Variants in MARCHF1 observed in about 807,000 individuals in gnomAD.
MARCHF1 encodes the protein E3 ubiquitin-protein ligase MARCHF1.
In MARCHF1, 40 loss-of-function variants were observed where a neutral mutation model predicts 54.2. That is an observed-to-expected ratio of 0.74 (90% CI 0.57 to 0.96). The LOEUF is 0.96. MARCHF1 is among the 40% of genes least tolerant of loss of function. The pLI is 0.00. For missense variants in MARCHF1, 586 were observed against 656.5 expected (o/e 0.89, Z 1.17); for synonymous variants, 236 against 236.3 (o/e 1.00, Z 0.01).
At chr4:163,915,963 T>G (rs1367382300) in intron 3 of MARCHF1, among the ~76,000 whole-genome samples, 1 of 152,170 alleles carries the variant, frequency 6.6e-6, no homozygotes, top group African/African-American at 2.4e-5. Context: ...ATTTTAATTC[T>G]AGTACCAAAT....
chr4:163,787,234 C>A (rs1286376509), intron 4 of MARCHF1, among the ~76,000 whole-genome samples: 1 of 151,544 alleles, frequency 6.6e-6, no homozygotes. Flanking sequence ...AAATGGGACT[C>A]CATCAAACTT....
At chr4:163,707,370 G>A (rs754736856) in intron 4 of MARCHF1, among the ~76,000 whole-genome samples, 4 of 151,984 alleles carry the variant, frequency 2.6e-5, no homozygotes, top group Non-Finnish European at 4.4e-5. Context: ...AGAGGCAACA[G>A]TAAGGAATCA....
Position 163,944,133 on chromosome 4 carries a change from ATTTTTTTTT to A in MARCHF1, c.-39+44359_-39+44367del, listed in dbSNP as rs5863642. Among the ~76,000 whole-genome samples, 443 of 110,102 alleles carry A rather than the reference ATTTTTTTTT, an allele frequency of 4.0e-3. 5 individuals are homozygous for A. The highest frequency in any genetic ancestry group is 0.012 in the African/African-American group (341 of 29,254). The allele number at this position is 110,102 out of a possible 152,430, so 72.2% of individuals were successfully genotyped here. A position where few individuals can be genotyped will look rare whatever the true frequency, so the allele number is the denominator to read the frequency against. ...AGGCACCTGTCACTGCACCGGGCTA[ATTTTTTTTT>A]TTTTTTTTTTTTTGTATTTTTAGTA... is the stretch of plus-strand genomic sequence containing the variant. On this transcript the variant is annotated intron_variant, in intron 3 of 9. Transcript: ENST00000514618.
intron 5 of MARCHF1, among the ~76,000 whole-genome samples, chr4:163,644,791 G>A (rs2044302385): frequency 1.3e-5 from 2 of 152,176 alleles, no homozygotes; most frequent in Admixed American, 1.3e-4. Context: ...TGGTTCCAGT[G>A]TCCATCATTG....
intron 1 of MARCHF1, among the ~76,000 whole-genome samples, chr4:164,293,014 G>A (rs184803879): frequency 6.6e-6 from 1 of 152,132 alleles, no homozygotes; most frequent in Admixed American, 6.5e-5. Context: ...ACCCATGAAA[G>A]TCACGTTGGT....
At chr4:164,186,720 T>G (rs1482620119) in intron 1 of MARCHF1, among the ~76,000 whole-genome samples, 1 of 152,228 alleles carries the variant, frequency 6.6e-6, no homozygotes, top group Non-Finnish European at 1.5e-5. Flanking sequence ...CTCTAAGTTT[T>G]GAGCTAAAGA....
intron 1 of MARCHF1, among the ~76,000 whole-genome samples, chr4:164,209,885 G>A (rs1731716577): frequency 6.6e-6 from 1 of 152,008 alleles, no homozygotes; most frequent in Non-Finnish European, 1.5e-5. Context: ...TTAATGATGA[G>A]AAAAGGTCCA....
At chr4:164,309,253 C>CTTGT (rs1554000345) in intron 1 of MARCHF1, among the ~76,000 whole-genome samples, 19 of 116,484 alleles carry the variant, frequency 1.6e-4, no homozygotes, top group Non-Finnish European at 2.6e-4. Flanking sequence ...TAATTTCTAA[C>CTTGT]CTGTGTGTGT....
At chr4:163,981,965 A>G (rs1373700463) in intron 3 of MARCHF1, among the ~76,000 whole-genome samples, 1 of 152,202 alleles carries the variant, frequency 6.6e-6, no homozygotes, top group African/African-American at 2.4e-5. Flanking sequence ...TTTAAAAAAT[A>G]CGGACCAGGG....
chr4:164,072,946 C>T (rs778571702), intron 2 of MARCHF1, among the ~76,000 whole-genome samples: 8 of 152,144 alleles, frequency 5.3e-5, no homozygotes, highest in East Asian at 1.9e-4. Flanking sequence ...TGATATCAAG[C>T]GCAATACAAT....
chr4:164,004,531 C>T (rs1212242000), intron 2 of MARCHF1, among the ~76,000 whole-genome samples: 1 of 151,572 alleles, frequency 6.6e-6, no homozygotes, highest in Non-Finnish European at 1.5e-5. Flanking sequence ...CCAATGACTG[C>T]AGAATAGAAA....
At position 163,894,864 on chromosome 4, in the gene MARCHF1, C is replaced by CATATATATATATGCATGTGATGCAT. The variant is rs144971173; in HGVS notation, c.-38-40696_-38-40695insATGCATCACATGCATATATATATAT. Among the ~76,000 whole-genome samples the CATATATATATATGCATGTGATGCAT allele has an allele frequency of 3.5e-4, 6 of 16,978 alleles. 2 individuals are homozygous for CATATATATATATGCATGTGATGCAT. The highest frequency in any genetic ancestry group is 8.6e-4 in the African/African-American group (5 of 5,846). The allele number at this position is 16,978 out of a possible 152,430, so 11.1% of individuals were successfully genotyped here. A position where few individuals can be genotyped will look rare whatever the true frequency, so the allele number is the denominator to read the frequency against. On this transcript the variant is annotated intron_variant, in intron 3 of 9. Coordinates refer to ENST00000514618, the MANE Select transcript of MARCHF1 (RefSeq NM_001394959.1). Reference sequence around the variant, plus strand: ...GATGCATATATATATGCATGTGATGCATATATATATGCATGTGATGCATAT... The same window carrying CATATATATATATGCATGTGATGCAT: ...GATGCATATATATATGCATGTGATGCATATATATATATGCATGTGATGCATATATATATATGCATGTGATGCATAT...
intron 1 of MARCHF1, among the ~76,000 whole-genome samples, chr4:164,294,489 C>A (rs2111376110): frequency 6.6e-6 from 1 of 152,288 alleles, no homozygotes; most frequent in South Asian, 2.1e-4. Flanking sequence ...GCTATCCCAA[C>A]TCTGGAATAT....
At chr4:164,108,072 T>G (rs1053063106) in intron 2 of MARCHF1, among the ~76,000 whole-genome samples, 2 of 152,116 alleles carry the variant, frequency 1.3e-5, no homozygotes, top group Admixed American at 1.3e-4. Context: ...TTATATCAAT[T>G]TATCAGAAAG....
chr4:164,162,349 T>A (rs141348651), intron 1 of MARCHF1, among the ~76,000 whole-genome samples: 1 of 152,078 alleles, frequency 6.6e-6, no homozygotes, highest in Non-Finnish European at 1.5e-5. Flanking sequence ...GAAAGGCAGG[T>A]TAAGTGTCAT....
intron 1 of MARCHF1, among the ~76,000 whole-genome samples, chr4:164,173,754 T>C (rs939478483): frequency 1.3e-5 from 2 of 152,174 alleles, no homozygotes; most frequent in Non-Finnish European, 2.9e-5. Flanking sequence ...GAGTGGAAGC[T>C]TCCTGAGGTC....
intron 3 of MARCHF1, among the ~76,000 whole-genome samples, chr4:163,869,342 G>T (rs1375775376): frequency 6.6e-6 from 1 of 152,060 alleles, no homozygotes. Context: ...GATGCTCCAT[G>T]ACCTTTGGCA....
chr4:163,791,203 C>T (rs1342455007), intron 4 of MARCHF1, among the ~76,000 whole-genome samples: 1 of 152,056 alleles, frequency 6.6e-6, no homozygotes, highest in Non-Finnish European at 1.5e-5. Flanking sequence ...TGTACCACAC[C>T]TGATTTAGAA....
chr4:164,156,415 C>A (rs1332658352), intron 1 of MARCHF1, among the ~76,000 whole-genome samples: 1 of 146,882 alleles, frequency 6.8e-6, no homozygotes, highest in African/African-American at 2.5e-5. Flanking sequence ...AACTCAAATT[C>A]TTGTGTTTTT....
Sources: allele counts gnomAD v4.1 joint callset (sites outside exome capture counted in the v4.1 genomes callset), GRCh38; gene constraint gnomAD v4.1.1; transcripts MANE v1.5; gene names NCBI Gene and HGNC (gene_info 2026-07-23, HGNC 2026-07-21).